VIP: variants seen among roughly 807,000 people sequenced by gnomAD.
The protein encoded by VIP is vasoactive intestinal peptide, also known as VIP peptides.
Under a neutral mutation model 20.1 loss-of-function variants are expected in VIP, and 18 were observed. That is an observed-to-expected ratio of 0.90 (90% confidence interval 0.62 to 1.33). VIP has a LOEUF of 1.33. VIP is among the 40% of genes most tolerant of loss of function. The pLI, the probability that VIP is intolerant of heterozygous loss-of-function variation, is 0.00. For missense variants in VIP, 209 were observed against 199.4 expected, an observed-to-expected ratio of 1.05 and a Z score of -0.29; for synonymous variants, 70 against 68.1, an observed-to-expected ratio of 1.03 and a Z score of -0.14.
Position 152,750,806 on chromosome 6 carries a change from T to C in VIP, c.-164T>C, listed in dbSNP as rs2099729494. 6.6e-6 allele frequency: 1 copy of C among 151,994 alleles called. No individual in the cohort carries two copies. The highest frequency in any genetic ancestry group is 1.5e-5 in the Non-Finnish European group (1 of 68,050). 9.4% of individuals were successfully genotyped at this position (151,994 alleles called of 1,614,324 possible). On this transcript the variant is annotated 5_prime_UTR_variant, in exon 1 of 7. Coordinates refer to ENST00000367244, the MANE Select transcript of VIP (RefSeq NM_003381.4). ...CTTTGAAATGCTGGTCAGGGTAGAG[T>C]GAGAAGCACCAGCAGGCAGTAACAG... is the stretch of plus-strand genomic sequence containing the variant.
chr6:152,751,776 A>G (rs1198460253), intron 1 of VIP, among the ~76,000 whole-genome samples: 2 of 152,194 alleles, frequency 1.3e-5, no homozygotes, highest in Non-Finnish European at 2.9e-5. Flanking sequence ...TATTAGTCAG[A>G]TACTGAAATT....
intron 1 of VIP, among the ~76,000 whole-genome samples, chr6:152,751,625 G>T (rs75183266): frequency 7.9e-5 from 12 of 151,906 alleles, no homozygotes; most frequent in Non-Finnish European, 1.3e-4. Context: ...ATAAGTTTCC[G>T]TAATATCTAC....
chr6:152,754,265 C>A lies in VIP; in HGVS notation c.207C>A (p.Asp69Glu). The A allele has an allele frequency of 6.2e-7, 1 of 1,610,740 alleles. No homozygotes were observed. Among genetic ancestry groups the A allele is most frequent in the Non-Finnish European group, 8.5e-7 (1 of 1,178,144 alleles). Residue 69 changes from aspartate (D) to glutamate (E), a missense_variant, in exon 3 of 7, where the codon GAC (aspartate) becomes GAA (glutamate). Asp to Glu is a conservative substitution (Grantham distance 45). Transcript: ENST00000367244. ...TGCAAAATGCATTAGCTGAAAATGA[C>A]ACACCCTATTATGATGTATCCAGGT... ...DMLQNALAEN[D>E]TPYYDVSRNA...
In VIP at chr6:152,756,265, G is replaced by A. The variant is rs759861089; in HGVS notation, c.467G>A (p.Ser156Asn). 2 of 1,601,744 alleles carry A rather than the reference G, an allele frequency of 1.2e-6. No individual in the cohort carries two copies. The highest frequency in any genetic ancestry group is 1.7e-5 in the Admixed American group (1 of 57,352). Residue 156 changes from serine to asparagine, a missense_variant and splice_region_variant, in exon 5 of 7, where the codon AGC (serine) becomes AAC (asparagine). Physicochemically the swap from Ser to Asn is conservative, Grantham distance 46 (BLOSUM62 1). Coordinates refer to ENST00000367244, the MANE Select transcript of VIP (RefSeq NM_003381.4). The stretch of plus-strand genomic sequence containing the variant: ...AACTCAATTCTGAATGGAAAGAGGA[G>A]GTAAAGAAAAAGAGAACTTGCTAAA... ...YLNSILNGKR[S>N]SEGESPDFPE... is the part of the protein sequence containing the mutation.
chr6:152,756,401 A>C (rs2099730434), intron 5 of VIP, 136 bp downstream of exon 5: 5 of 1,025,620 alleles, frequency 4.9e-6, no homozygotes, highest in Non-Finnish European at 6.8e-6. Context: ...GGCTGACATT[A>C]GACTACCCCG....
At position 152,755,247 on chromosome 6, in the gene VIP, A is replaced by AC; in HGVS notation, c.231-22_231-21insC. The AC allele has an allele frequency of 2.0e-6, 3 of 1,505,510 alleles. No homozygotes were observed. The South Asian group carries it at 3.9e-5, about 20-fold the overall frequency. 93.3% of individuals were successfully genotyped at this position (1,505,510 alleles called of 1,614,324 possible). A position where few individuals can be genotyped will look rare whatever the true frequency, so the allele number is the denominator to read the frequency against. ...GAAAGCCATTTACAAAATAATAGCT[A>AC]TTTTTTTCTTCCTTGTTTTAGAAAT... is the stretch of plus-strand genomic sequence containing the variant. On this transcript the variant is annotated intron_variant, in intron 3 of 6. Coordinates refer to ENST00000367244, the MANE Select transcript of VIP (RefSeq NM_003381.4).
Position 152,752,879 on chromosome 6 carries a change from T to C in VIP, c.107+595T>C, listed in dbSNP as rs145899157. Among the ~76,000 whole-genome samples the C allele has an allele frequency of 6.6e-5, 10 of 152,264 alleles. No individual in the cohort carries two copies. In the East Asian group the frequency reaches 1.9e-3, roughly 29 times the overall value. Reference sequence around the variant, plus strand: ...ATCCTTAGTTTTATTGTTCTATATGTTATATTATATATTCCAAATCCATAA... The same window carrying C: ...ATCCTTAGTTTTATTGTTCTATATGCTATATTATATATTCCAAATCCATAA... On this transcript the variant is annotated intron_variant, in intron 2 of 6. Transcript: ENST00000367244.
chr6:152,751,375 A>C (rs2099729602), intron 1 of VIP, among the ~76,000 whole-genome samples: 1 of 151,992 alleles, frequency 6.6e-6, no homozygotes, highest in African/African-American at 2.4e-5. Context: ...TTTTTCCTTA[A>C]GTTTAAATTC....
chr6:152,757,697 T>C (rs529316872), intron 6 of VIP, among the ~76,000 whole-genome samples: 4 of 152,102 alleles, frequency 2.6e-5, no homozygotes, highest in South Asian at 2.1e-4. Flanking sequence ...GCAAACTTCA[T>C]AGAGCAAAAG....
chr6:152,756,296 G>T, intron 5 of VIP, 31 bp downstream of exon 5: 1 of 1,592,698 alleles, frequency 6.3e-7, no homozygotes, highest in Non-Finnish European at 8.5e-7. Context: ...CTAAAATGAG[G>T]AATCATGACT....
rs1022944706 is a variant in VIP at position 152,759,731 on chromosome 6, G to C, written c.*865G>C. ...CAAAATAATTTTAAGAAATCAAAGA[G>C]AGAAAATAAAGACCTTGCTTATGAT... On this transcript the variant is annotated 3_prime_UTR_variant, in exon 7 of 7. Transcript: ENST00000367244. 1 of 151,888 alleles carries C rather than the reference G, an allele frequency of 6.6e-6. No individual in the cohort carries two copies. Among genetic ancestry groups the C allele is most frequent in the Non-Finnish European group, 1.5e-5 (1 of 67,928 alleles). The allele number at this position is 151,888 out of a possible 1,614,324, so 9.4% of individuals were successfully genotyped here.
rs79779266 is a variant in VIP, at chr6:152,756,981, C to T, written c.468-115C>T. On this transcript the variant is annotated intron_variant, in intron 5 of 6. Transcript: ENST00000367244. Reference sequence around the variant, plus strand: ...CAAACCTCAAAGATAATTGTTTAGCCTCCCCATACACTTTCAGAGCACAGA... The same window carrying T: ...CAAACCTCAAAGATAATTGTTTAGCTTCCCCATACACTTTCAGAGCACAGA... The T allele has an allele frequency of 1.2e-3, 1,073 of 868,248 alleles. 24 individuals carry two copies. The East Asian group carries it at 0.028, about 23-fold the overall frequency. The allele number at this position is 868,248 out of a possible 1,614,324, so 53.8% of individuals were successfully genotyped here.
In VIP at chr6:152,752,273, T is replaced by G; in HGVS notation, c.96T>G (p.Pro32=). Residue 32 remains proline, a synonymous_variant, in exon 2 of 7, where the codon CCT becomes CCG. Transcript: ENST00000367244. ...QTSAWPLYRA[P]SALRLGDRIP... is the part of the protein sequence containing the mutation. ...CGGCATGGCCTCTTTACAGGGCACC[T>G]TCTGCTCTCAGGTAAGTTCCCTTTC... 1 of 1,612,804 alleles carries G rather than the reference T, an allele frequency of 6.2e-7. No individual in the cohort carries two copies. The highest frequency in any genetic ancestry group is 8.5e-7 in the Non-Finnish European group (1 of 1,179,410).
intron 2 of VIP, among the ~76,000 whole-genome samples, chr6:152,753,615 C>T (rs2099729973): frequency 6.6e-6 from 1 of 152,012 alleles, no homozygotes; most frequent in African/African-American, 2.4e-5. Flanking sequence ...ATTCTTTGAA[C>T]TCTGTCAATA....
At position 152,755,212 on chromosome 6, in the gene VIP, T is replaced by C; in HGVS notation, c.231-57T>C. On this transcript the variant is annotated intron_variant, in intron 3 of 6. Transcript: ENST00000367244. ...TTTTTTGTTATTTAATAAGCCATAATAATATTCTAGAAAGCCATTTACAAA... is the reference window on the plus strand; with the variant it reads ...TTTTTTGTTATTTAATAAGCCATAACAATATTCTAGAAAGCCATTTACAAA... 6.0e-6 allele frequency: 7 copies of C among 1,171,782 alleles called. 1 individual carries two copies. The South Asian group carries it at 9.0e-5, about 15-fold the overall frequency. 72.6% of individuals were successfully genotyped at this position (1,171,782 alleles called of 1,614,324 possible).
rs747448311 is a variant in VIP at position 152,758,903 on chromosome 6, T to C, written c.*44-7T>C. 2 of 152,262 alleles carry C rather than the reference T, an allele frequency of 1.3e-5. No homozygotes were observed. Among genetic ancestry groups the C allele is most frequent in the Admixed American group, 1.3e-4 (2 of 15,226 alleles). 9.4% of individuals were successfully genotyped at this position (152,262 alleles called of 1,614,324 possible). On this transcript the variant is annotated splice_polypyrimidine_tract_variant and splice_region_variant and intron_variant, in intron 6 of 6. Transcript: ENST00000367244. ...TATGCCTAAAGCAACAATTTTTTCT[T>C]TTTCAGAATTCTTGAAGGAAAATGA...
At chr6:152,752,432 C>G in intron 2 of VIP, 148 bp downstream of exon 2, 1 of 595,888 alleles carries the variant, frequency 1.7e-6, no homozygotes, top group Non-Finnish European at 2.8e-6. Context: ...AGGTGTTTGT[C>G]AACATCAGGT....
chr6:152,756,731 T>C (rs907086001), intron 5 of VIP, among the ~76,000 whole-genome samples: 18 of 152,012 alleles, frequency 1.2e-4, no homozygotes, highest in African/African-American at 4.3e-4. Flanking sequence ...ATATTTAGAT[T>C]CTGTAAAATC....
Position 152,750,797 on chromosome 6 carries a change from A to G in VIP, c.-173A>G, listed in dbSNP as rs1362399107. On this transcript the variant is annotated 5_prime_UTR_variant, in exon 1 of 7. Transcript: ENST00000367244. The stretch of plus-strand genomic sequence containing the variant: ...AATGATGGGCTTTGAAATGCTGGTC[A>G]GGGTAGAGTGAGAAGCACCAGCAGG... The G allele has an allele frequency of 6.6e-6, 1 of 152,200 alleles. No individual in the cohort carries two copies. The highest frequency in any genetic ancestry group is 1.9e-4 in the East Asian group (1 of 5,178). 9.4% of individuals were successfully genotyped at this position (152,200 alleles called of 1,614,324 possible).
Sources: gnomAD v4.1 joint callset for allele counts (sites outside exome capture counted in the v4.1 genomes callset) on GRCh38, gnomAD v4.1.1 for gene constraint, MANE v1.5 for transcripts, NCBI Gene and HGNC (gene_info 2026-07-23, HGNC 2026-07-21) for gene names.